Variants in CBLB observed in about 807,000 individuals in gnomAD.
CBLB encodes the protein Cbl proto-oncogene B, also known as E3 ubiquitin-protein ligase CBL-B.
CBLB carries 31 observed loss-of-function variants against 104.9 expected under a neutral mutation model. The ratio of observed to expected loss-of-function variants is 0.30; its 90% confidence interval spans 0.22 to 0.40. The LOEUF is 0.40. CBLB is among the 10% of genes least tolerant of loss of function. The pLI is 1.00. For synonymous variants in CBLB, 440 were observed against 422.6 expected (o/e 1.04, Z -0.51); for missense variants, 1,062 against 1,214.6 (o/e 0.87, Z 1.87).
At chr3:105,837,604 C>T (rs573530497) in intron 3 of CBLB, among the ~76,000 whole-genome samples, 1 of 152,268 alleles carries the variant, frequency 6.6e-6, no homozygotes, top group African/African-American at 2.4e-5. Context: ...GCTACAAGGA[C>T]ACTCCATTAA....
chr3:105,685,293 G>C, intron 14 of CBLB, 27 bp downstream of exon 14: 1 of 1,598,692 alleles, frequency 6.3e-7, no homozygotes, highest in East Asian at 2.2e-5. Flanking sequence ...GCAGATGTAA[G>C]TGGCAAAAAT....
chr3:105,826,730 A>G (rs1231411606), intron 3 of CBLB, among the ~76,000 whole-genome samples: 1 of 152,220 alleles, frequency 6.6e-6, no homozygotes, highest in Non-Finnish European at 1.5e-5. Context: ...GAACATAAAC[A>G]GAAAAGCAAT....
In CBLB at chr3:105,844,093, C is replaced by T. The variant is rs147770710; in HGVS notation, c.419+9321G>A. 9.2e-5 allele frequency among the ~76,000 whole-genome samples: 14 copies of T among 152,292 alleles called. No individual in the cohort carries two copies. In the East Asian group the frequency reaches 2.7e-3, roughly 29 times the overall value. On this transcript the variant is annotated intron_variant, in intron 3 of 18. Coordinates refer to ENST00000394030, the MANE Select transcript of CBLB (RefSeq NM_170662.5). ...GGAAATTTGGACACACACGTACATA[C>T]ACAGAGAACACTGTGTGATGACAGA...
intron 3 of CBLB, among the ~76,000 whole-genome samples, chr3:105,782,371 T>G (rs1156648862): frequency 6.6e-6 from 1 of 152,150 alleles, no homozygotes; most frequent in East Asian, 1.9e-4. Flanking sequence ...TTTTACTTTT[T>G]GGATACTAAA....
chr3:105,700,702 AG>A (rs2068972673), intron 12 of CBLB, among the ~76,000 whole-genome samples: 3 of 152,226 alleles, frequency 2.0e-5, no homozygotes, highest in Admixed American at 2.0e-4. Context: ...TACCAAGGTG[AG>A]TCACCAGCAA....
chr3:105,754,529 G>GAGAGAGAGAGAGAGAC (rs2076894167), intron 4 of CBLB, among the ~76,000 whole-genome samples: 76 of 84,604 alleles, frequency 9.0e-4, no homozygotes, highest in South Asian at 4.0e-3. Context: ...GAGACAGAGA[G>GAGAGAGAGAGAGAGAC]AGAGAGAGAG....
chr3:105,784,911 C>A (rs1195088693), intron 3 of CBLB, among the ~76,000 whole-genome samples: 1 of 152,172 alleles, frequency 6.6e-6, no homozygotes, highest in Non-Finnish European at 1.5e-5. Flanking sequence ...TTAAGCCATT[C>A]GTTCACCCTA....
At chr3:105,788,395 G>A (rs901729070) in intron 3 of CBLB, among the ~76,000 whole-genome samples, 3 of 151,754 alleles carry the variant, frequency 2.0e-5, no homozygotes, top group Non-Finnish European at 4.4e-5. Context: ...GGTTTCCTTG[G>A]GCCACATGTA....
chr3:105,717,286 A>T (rs1180612607), intron 10 of CBLB, among the ~76,000 whole-genome samples: 1 of 152,208 alleles, frequency 6.6e-6, no homozygotes, highest in African/African-American at 2.4e-5. Context: ...CAGCTAAAAA[A>T]AACACTGCTA....
intron 3 of CBLB, among the ~76,000 whole-genome samples, chr3:105,797,690 A>T (rs564973866): frequency 6.6e-6 from 1 of 152,320 alleles, no homozygotes; most frequent in African/African-American, 2.4e-5. Flanking sequence ...TGTCCAATAA[A>T]ATGCTTTTGA....
chr3:105,838,001 T>C (rs1448294574), intron 3 of CBLB, among the ~76,000 whole-genome samples: 3 of 152,064 alleles, frequency 2.0e-5, no homozygotes, highest in East Asian at 1.9e-4. Context: ...TTATGAGTGT[T>C]TGCCAAGTAT....
At chr3:105,746,829 C>T (rs2076145362) in intron 5 of CBLB, among the ~76,000 whole-genome samples, 1 of 152,184 alleles carries the variant, frequency 6.6e-6, no homozygotes, top group Admixed American at 6.5e-5. Context: ...CTTGCTCACC[C>T]ATGGGATGCC....
chr3:105,772,728 A>G (rs917095903), intron 4 of CBLB, among the ~76,000 whole-genome samples: 4 of 152,336 alleles, frequency 2.6e-5, no homozygotes, highest in Admixed American at 6.5e-5. Context: ...ACATTTCTCA[A>G]AAGACATATA....
At chr3:105,773,428 A>G (rs1291332196) in intron 4 of CBLB, among the ~76,000 whole-genome samples, 1 of 152,166 alleles carries the variant, frequency 6.6e-6, no homozygotes, top group Non-Finnish European at 1.5e-5. Context: ...ACTACACTAC[A>G]TATTAGGTAC....
At chr3:105,801,983 A>G (rs2082932220) in intron 3 of CBLB, among the ~76,000 whole-genome samples, 2 of 152,222 alleles carry the variant, frequency 1.3e-5, no homozygotes, top group African/African-American at 4.8e-5. Context: ...AAATGCGTGA[A>G]TGAAAGTATA....
chr3:105,686,436 A>C lies in CBLB; in HGVS notation c.2055-970T>G, dbSNP rs2284993. Among the ~76,000 whole-genome samples the C allele has an allele frequency of 5.3e-5, 8 of 150,820 alleles. No individual in the cohort carries two copies. In the East Asian group the frequency reaches 1.6e-3, roughly 29 times the overall value. On this transcript the variant is annotated intron_variant, in intron 13 of 18. Coordinates refer to ENST00000394030, the MANE Select transcript of CBLB (RefSeq NM_170662.5). ...CATGAACCTCATGAGAAATCTGTTC[A>C]ATTTAAAAAGGAAGGAAAAAAAAAA...
At chr3:105,774,928 C>A (rs1560183317) in intron 4 of CBLB, among the ~76,000 whole-genome samples, 1 of 152,258 alleles carries the variant, frequency 6.6e-6, no homozygotes, top group South Asian at 2.1e-4. Context: ...ACTGTTTGAA[C>A]TAAGCTTACA....
At chr3:105,811,701 C>T (rs534157815) in intron 3 of CBLB, among the ~76,000 whole-genome samples, 7 of 151,892 alleles carry the variant, frequency 4.6e-5, no homozygotes, top group Non-Finnish European at 2.9e-5. Flanking sequence ...TACAACCCTA[C>T]GAAAATTACT....
intron 4 of CBLB, among the ~76,000 whole-genome samples, chr3:105,766,486 G>C (rs1322467903): frequency 1.3e-5 from 2 of 152,120 alleles, no homozygotes; most frequent in Non-Finnish European, 2.9e-5. Context: ...AAACTTCACT[G>C]CTGCCTAATT....
Sources: allele counts gnomAD v4.1 joint callset (sites outside exome capture counted in the v4.1 genomes callset), GRCh38; gene constraint gnomAD v4.1.1; transcripts MANE v1.5; gene names NCBI Gene and HGNC (gene_info 2026-07-23, HGNC 2026-07-21).